CARD10: variants seen among roughly 807,000 people sequenced by gnomAD.
CARD10 encodes caspase recruitment domain family member 10, also known as caspase recruitment domain-containing protein 10.
Under a neutral mutation model 114.6 loss-of-function variants are expected in CARD10, and 49 were observed. The ratio of observed to expected loss-of-function variants is 0.43; its 90% CI spans 0.34 to 0.54. The LOEUF (loss-of-function observed/expected upper bound fraction) is 0.54. CARD10 is among the 20% of genes least tolerant of loss of function. The probability of loss-of-function intolerance (pLI) is 0.03; values close to 1 mark genes in which losing one functional copy is unlikely to be tolerated. For synonymous variants in CARD10, 602 were observed against 593.2 expected (o/e 1.01, Z -0.21); for missense variants, 1,206 against 1,397.2 (o/e 0.86, Z 2.18).
In CARD10 at chr22:37,494,203, G is replaced by A. The variant is rs1315975210; in HGVS notation, c.2374-15C>T. On this transcript the variant is annotated splice_polypyrimidine_tract_variant and intron_variant, in intron 15 of 19. Transcript: ENST00000251973. ...CTCTTCTTCAGCTGGGAGGGTGCAGGGACAGAGGAGCATCTGAGAGCTCAG... is the reference window on the plus strand; with the variant it reads ...CTCTTCTTCAGCTGGGAGGGTGCAGAGACAGAGGAGCATCTGAGAGCTCAG... 3.9e-6 allele frequency: 6 copies of A among 1,526,612 alleles called. No homozygotes were observed. The highest frequency in any genetic ancestry group is 1.2e-5 in the South Asian group (1 of 83,546). The allele number at this position is 1,526,612 out of a possible 1,614,324, so 94.6% of individuals were successfully genotyped here.
intron 5 of CARD10, 85 bp from the exon 6 acceptor site, chr22:37,508,039 G>T: frequency 6.5e-7 from 1 of 1,527,798 alleles, no homozygotes; most frequent in Non-Finnish European, 9.0e-7. Flanking sequence ...GGGCCAGTGA[G>T]AGACGCTCAC....
chr22:37,492,459 C>A lies in CARD10; in HGVS notation c.2727G>T (p.Arg909=). The change falls in exon 18 of 20, where the codon CGG becomes CGT. Residue 909 remains arginine, a synonymous_variant. Coordinates refer to ENST00000251973, the MANE Select transcript of CARD10 (RefSeq NM_014550.4). The surrounding 1 kb of genome is among the most constrained non-coding windows in gnomAD (Gnocchi z 5.7). ...CCTTCCCAACAGACTCCTGGATGGCCCGGATCCTGCTGCCTAGCCCAGGGG... is the reference window on the plus strand; with the variant it reads ...CCTTCCCAACAGACTCCTGGATGGCACGGATCCTGCTGCCTAGCCCAGGGG... ...PATPGLGSRI[R]AIQESVGKKH... is the part of the protein sequence containing the mutation. 6.3e-7 allele frequency: 1 copy of A among 1,591,126 alleles called. No homozygotes were observed. The highest frequency in any genetic ancestry group is 8.6e-7 in the Non-Finnish European group (1 of 1,167,248).
In CARD10 at chr22:37,511,081, C is replaced by CA. The variant is rs869295765; in HGVS notation, c.700-661dup. 3.3e-3 allele frequency among the ~76,000 whole-genome samples: 299 copies of CA among 91,896 alleles called. 1 individual carries two copies. Among genetic ancestry groups the CA allele is most frequent in the South Asian group, 5.3e-3 (14 of 2,622 alleles). The allele number at this position is 91,896 out of a possible 152,430, so 60.3% of individuals were successfully genotyped here. ...TGGGCAGCAGAGCAAGACTCTGTCT[C>CA]AAAAAAAAAAAAAAAAAAAAGAATA... On this transcript the variant is annotated intron_variant, in intron 3 of 19. Transcript: ENST00000251973.
intron 3 of CARD10, 64 bp from the exon 4 acceptor site, chr22:37,510,485 G>T: frequency 6.9e-7 from 1 of 1,456,390 alleles, no homozygotes; most frequent in Non-Finnish European, 9.5e-7. Context: ...TTACAGGGGT[G>T]GGAAGACCTG....
rs5845349 is a variant in CARD10, at chr22:37,514,103, C to CA, written c.699+1869dup. 2.0e-3 allele frequency among the ~76,000 whole-genome samples: 267 copies of CA among 133,230 alleles called. 2 individuals carry two copies. Among genetic ancestry groups the CA allele is most frequent in the Middle Eastern group, 3.9e-3 (1 of 254 alleles). The allele number at this position is 133,230 out of a possible 152,430, so 87.4% of individuals were successfully genotyped here. ...TGGGTAACAAAGCAAGACTCCATCT[C>CA]AAAAAAAAAAAAAAAAAAATTCCTT... On this transcript the variant is annotated intron_variant, in intron 3 of 19. Coordinates refer to ENST00000251973, the MANE Select transcript of CARD10 (RefSeq NM_014550.4).
At chr22:37,505,215 G>C (rs1469553809) in intron 7 of CARD10, among the ~76,000 whole-genome samples, 1 of 151,876 alleles carries the variant, frequency 6.6e-6, no homozygotes, top group Admixed American at 6.6e-5. Flanking sequence ...CACCCGCAGG[G>C]CCTCTTGGCC....
chr22:37,516,724 A>G (rs1923857089), intron 2 of CARD10, among the ~76,000 whole-genome samples: 1 of 152,238 alleles, frequency 6.6e-6, no homozygotes, highest in Non-Finnish European at 1.5e-5. Flanking sequence ...CCTATCAACA[A>G]TAATTACAGT....
At chr22:37,517,309 G>C (rs371221214) in intron 2 of CARD10, among the ~76,000 whole-genome samples, 2 of 152,180 alleles carry the variant, frequency 1.3e-5, no homozygotes, top group Admixed American at 1.3e-4. Flanking sequence ...ACACGTAGGC[G>C]TGTGTGCGTG....
In CARD10 at chr22:37,504,727, T is replaced by A. The variant is rs755439574; in HGVS notation, c.1426A>T (p.Thr476Ser). Reference protein sequence around the residue: ...SHSLCSNLSSTWSLSEFPSPL... With the variant: ...SHSLCSNLSSSWSLSEFPSPL... ...GAGGGGAACTCGCTCAGGCTCCAAG[T>A]GCTGCTGAGGTTGGAGCACAGGGAA... Residue 476 changes from threonine (T) to serine (S), a missense_variant, in exon 8 of 20, where the codon ACT becomes TCT. By Grantham distance (58) the Thr-to-Ser change is moderately conservative. Around this residue, in one of 2 missense-constraint regions of CARD10, gnomAD observed 1,068 missense variants for 1,179.1 expected, o/e 0.91. Transcript: ENST00000251973. 77 of 1,579,190 alleles carry A rather than the reference T, an allele frequency of 4.9e-5. No individual in the cohort carries two copies. Among genetic ancestry groups the A allele is most frequent in the Non-Finnish European group, 6.4e-5 (74 of 1,164,650 alleles).
At position 37,503,314 on chromosome 22, in the gene CARD10, C is replaced by A. The variant is rs937546854; in HGVS notation, c.1635-101G>T. ...CCCACACCAGATAAATGTCTCACAG[C>A]CCCCAAGCAAATGCAGGCTAGACTC... is the stretch of plus-strand genomic sequence containing the variant. On this transcript the variant is annotated intron_variant, in intron 9 of 19. Transcript: ENST00000251973. The A allele has an allele frequency of 9.9e-6, 12 of 1,216,622 alleles. No homozygotes were observed. In the Middle Eastern group the frequency reaches 7.8e-4, roughly 79 times the overall value. The allele number at this position is 1,216,622 out of a possible 1,614,324, so 75.4% of individuals were successfully genotyped here.
At chr22:37,495,097 A>G (rs1922947269) in intron 15 of CARD10, among the ~76,000 whole-genome samples, 1 of 151,934 alleles carries the variant, frequency 6.6e-6, no homozygotes, top group Admixed American at 6.6e-5. Context: ...CAAGTAGCTG[A>G]GACTACAGGC....
intron 6 of CARD10, among the ~76,000 whole-genome samples, chr22:37,507,213 G>A (rs546990541): frequency 2.0e-5 from 3 of 152,390 alleles, no homozygotes; most frequent in East Asian, 3.9e-4. Context: ...GGAGGCCTCA[G>A]TGAGCTGAGA....
In CARD10 at chr22:37,492,605, A is replaced by G. The variant is rs767712147; in HGVS notation, c.2635+39T>C. On this transcript the variant is annotated intron_variant, in intron 17 of 19. Transcript: ENST00000251973. The surrounding 1 kb of genome is among the most constrained non-coding windows in gnomAD (Gnocchi z 5.7). Reference sequence around the variant, plus strand: ...AGGATCCATGGGCCCGGCTGCCCAGAGGGGCACCCAGCCTCCCCTCCCCGG... The same window carrying G: ...AGGATCCATGGGCCCGGCTGCCCAGGGGGGCACCCAGCCTCCCCTCCCCGG... 1 of 1,609,510 alleles carries G rather than the reference A, an allele frequency of 6.2e-7. No homozygotes were observed. Among genetic ancestry groups the G allele is most frequent in the Non-Finnish European group, 8.5e-7 (1 of 1,177,734 alleles).
chr22:37,516,054 G>C lies in CARD10; in HGVS notation c.618C>G (p.Asn206Lys). The change falls in exon 3 of 20, where the codon AAC becomes AAG. Residue 206 changes from asparagine (N) to lysine (K), a missense_variant. By Grantham distance (94) the Asn-to-Lys change is moderately conservative. Around this residue, in one of 2 missense-constraint regions of CARD10, gnomAD observed 1,068 missense variants for 1,179.1 expected, o/e 0.91. Coordinates refer to ENST00000251973, the MANE Select transcript of CARD10 (RefSeq NM_014550.4). ...SLELLRLKDE[N>K]YMIAMRLAQL... ...GTGCCAGGCGCATGGCGATCATGTA[G>C]TTCTCATCCTTGAGCCGCAGCAGCT... 2 of 1,602,700 alleles carry C rather than the reference G, an allele frequency of 1.2e-6. No individual in the cohort carries two copies. Among genetic ancestry groups the C allele is most frequent in the Non-Finnish European group, 1.7e-6 (2 of 1,175,344 alleles).
rs773921637 is a variant in CARD10, at chr22:37,506,201, G to A, written c.1374C>T (p.Thr458=). The A allele has an allele frequency of 6.4e-7, 1 of 1,564,604 alleles. No individual in the cohort carries two copies. The highest frequency in any genetic ancestry group is 1.2e-5 in the South Asian group (1 of 83,040). Residue 458 remains threonine (T), a synonymous_variant, in exon 7 of 20, where the codon ACC becomes ACT. Coordinates refer to ENST00000251973, the MANE Select transcript of CARD10 (RefSeq NM_014550.4). The part of the protein sequence containing the change: ...EVQLQRAQGG[T]CLKACASSHS... ...ATCTTGACCCGCTCACCTTGAGGCA[G>A]GTGCCACCCTGGGCCCGCTGCAGCT...
intron 16 of CARD10, 143 bp downstream of exon 16, chr22:37,493,943 C>T: frequency 1.4e-6 from 1 of 700,810 alleles, no homozygotes; most frequent in South Asian, 1.6e-5. Flanking sequence ...CTCAGGCCCC[C>T]AGCATGACCC....
In CARD10 at chr22:37,516,035, G is replaced by A. The variant is rs5756709; in HGVS notation, c.637C>T (p.Leu213=). 1 of 1,602,638 alleles carries A rather than the reference G, an allele frequency of 6.2e-7. No individual in the cohort carries two copies. The part of the protein sequence containing the change: ...KDENYMIAMR[L]AQLSEEKNSA... ...TTCTTCTCCTCACTGAGCTGTGCCA[G>A]GCGCATGGCGATCATGTAGTTCTCA... Residue 213 remains leucine (L), a synonymous_variant, in exon 3 of 20, where the codon CTG becomes TTG. Transcript: ENST00000251973.
intron 3 of CARD10, among the ~76,000 whole-genome samples, chr22:37,511,399 G>A (rs1248200673): frequency 4.5e-5 from 6 of 132,486 alleles, no homozygotes; most frequent in African/African-American, 1.8e-4. Flanking sequence ...AGAAGGGGGT[G>A]AGGAGGAGGA....
chr22:37,502,498 A>G, intron 11 of CARD10, 104 bp downstream of exon 11: 1 of 1,305,742 alleles, frequency 7.7e-7, no homozygotes, highest in East Asian at 2.4e-5. Context: ...TAATCTTCCA[A>G]TAGTTGCATA....
Sources: allele counts gnomAD v4.1 joint callset (sites outside exome capture counted in the v4.1 genomes callset), GRCh38; gene constraint gnomAD v4.1.1; regional missense constraint gnomAD v4.1.1; non-coding constraint Gnocchi (gnomAD v3.1); transcripts MANE v1.5; gene names NCBI Gene and HGNC (gene_info 2026-07-23, HGNC 2026-07-21).